The following TTC1 variants were observed in gnomAD, a reference collection of about 807,000 sequenced individuals.
TTC1 encodes the protein tetratricopeptide repeat protein 1.
A neutral mutation model predicts 37.6 loss-of-function variants in TTC1; 31 were observed. The observed-to-expected ratio is 0.82, with a 90% CI of 0.62 to 1.11. The LOEUF is 1.11. Ranked by LOEUF, TTC1 falls within the 50% of genes most tolerant of loss-of-function variation. The pLI is 0.00. For synonymous variants in TTC1, 127 were observed against 122.4 expected (o/e 1.04, Z -0.25); for missense variants, 351 against 339.0 (o/e 1.04, Z -0.28).
intron 2 of TTC1, among the ~76,000 whole-genome samples, chr5:160,012,204 T>C (rs1233275230): frequency 6.6e-6 from 1 of 152,160 alleles, no homozygotes; most frequent in East Asian, 1.9e-4. Context: ...TTAATATATT[T>C]TGCCCTGAAA....
At chr5:160,064,650 T>TA (rs1753545267) in intron 7 of TTC1, among the ~76,000 whole-genome samples, 1 of 152,042 alleles carries the variant, frequency 6.6e-6, no homozygotes, top group African/African-American at 2.4e-5. Flanking sequence ...ACTGGCCAGT[T>TA]AGGACAGGAG....
intron 5 of TTC1, among the ~76,000 whole-genome samples, chr5:160,045,316 T>A (rs1757186476): frequency 6.6e-6 from 1 of 152,130 alleles, no homozygotes; most frequent in South Asian, 2.1e-4. Flanking sequence ...TTTTCCGCAT[T>A]TGTTTTTGGA....
intron 2 of TTC1, among the ~76,000 whole-genome samples, chr5:160,019,705 C>G (rs1302050336): frequency 6.6e-6 from 1 of 151,564 alleles, no homozygotes; most frequent in Non-Finnish European, 1.5e-5. Flanking sequence ...CTCTCTCTGC[C>G]TCCCGAGTAG....
chr5:160,064,606 G>A (rs577313903), intron 7 of TTC1, among the ~76,000 whole-genome samples: 1 of 152,308 alleles, frequency 6.6e-6, no homozygotes, highest in South Asian at 2.1e-4. Context: ...GGTTTTCCCA[G>A]AACTCACCCC....
intron 2 of TTC1, among the ~76,000 whole-genome samples, chr5:160,023,192 G>T (rs1349434684): frequency 1.4e-4 from 21 of 150,742 alleles, no homozygotes; most frequent in Non-Finnish European, 2.4e-4. Context: ...GTAGGCGGAG[G>T]TTGCAATGAA....
intron 2 of TTC1, among the ~76,000 whole-genome samples, chr5:160,017,153 G>A (rs1756620565): frequency 6.6e-6 from 1 of 152,158 alleles, no homozygotes; most frequent in Non-Finnish European, 1.5e-5. Flanking sequence ...GCTTGGCTAA[G>A]GTGAAGGACA....
chr5:160,052,121 C>T (rs572897091), intron 7 of TTC1, among the ~76,000 whole-genome samples: 7 of 152,268 alleles, frequency 4.6e-5, no homozygotes, highest in Non-Finnish European at 7.4e-5. Context: ...ACTGTAAAGA[C>T]GGCTGCTTCC....
intron 7 of TTC1, among the ~76,000 whole-genome samples, chr5:160,061,281 G>A (rs1175267073): frequency 6.6e-6 from 1 of 152,218 alleles, no homozygotes; most frequent in African/African-American, 2.4e-5. Flanking sequence ...GACAAAGATA[G>A]ACCAAATCTC....
intron 2 of TTC1, 33 bp downstream of exon 2, chr5:160,010,891 A>G: frequency 6.4e-7 from 1 of 1,573,726 alleles, no homozygotes; most frequent in Non-Finnish European, 8.7e-7. Flanking sequence ...AAGATCTGCC[A>G]CTTACACTGC....
chr5:160,032,004 A>G (rs1756919040), intron 2 of TTC1, among the ~76,000 whole-genome samples: 1 of 152,228 alleles, frequency 6.6e-6, no homozygotes, highest in Admixed American at 6.5e-5. Context: ...AAATAAAAAT[A>G]AAGACATGGT....
chr5:160,045,775 C>A (rs1757226763), intron 5 of TTC1, among the ~76,000 whole-genome samples: 1 of 152,034 alleles, frequency 6.6e-6, no homozygotes, highest in South Asian at 2.1e-4. Flanking sequence ...CAGAGACTCG[C>A]TCTGTTGCCT....
At chr5:160,055,566 G>A (rs574828908) in intron 7 of TTC1, among the ~76,000 whole-genome samples, 3 of 152,360 alleles carry the variant, frequency 2.0e-5, no homozygotes, top group African/African-American at 7.2e-5. Flanking sequence ...CCAAAACCAT[G>A]CCAAAAGGCA....
At chr5:160,046,850 A>G (rs745792507) in intron 5 of TTC1, among the ~76,000 whole-genome samples, 2 of 152,134 alleles carry the variant, frequency 1.3e-5, no homozygotes, top group Non-Finnish European at 2.9e-5. Context: ...TGTCTCTACT[A>G]AAAGTACAAA....
chr5:160,039,981 C>T (rs1757059147), intron 4 of TTC1, among the ~76,000 whole-genome samples: 1 of 152,168 alleles, frequency 6.6e-6, no homozygotes, highest in South Asian at 2.1e-4. Context: ...GGTATACATT[C>T]TGAGAAATGT....
Position 160,065,161 on chromosome 5 carries a change from ATC to A in TTC1, c.*98_*99del. ...CTGCCAATGTTTAACTTTTAAAAGCATCTTATCTAAAAGAAAGGCTATCCAGT... is the reference window on the plus strand; with the variant it reads ...CTGCCAATGTTTAACTTTTAAAAGCATTATCTAAAAGAAAGGCTATCCAGT... On this transcript the variant is annotated 3_prime_UTR_variant, in exon 8 of 8. Coordinates refer to ENST00000231238, the MANE Select transcript of TTC1 (RefSeq NM_003314.3). The A allele has an allele frequency of 6.6e-7, 1 of 1,515,942 alleles. No individual in the cohort carries two copies. Among genetic ancestry groups the A allele is most frequent in the Non-Finnish European group, 8.9e-7 (1 of 1,125,324 alleles). 93.9% of individuals were successfully genotyped at this position (1,515,942 alleles called of 1,614,324 possible). A position where few individuals can be genotyped will look rare whatever the true frequency, so the allele number is the denominator to read the frequency against.
chr5:160,028,548 A>G (rs1027772792), intron 2 of TTC1, among the ~76,000 whole-genome samples: 2 of 152,146 alleles, frequency 1.3e-5, no homozygotes, highest in Non-Finnish European at 2.9e-5. Flanking sequence ...CAGTGGCACA[A>G]TCATGGCCTC....
chr5:160,024,094 A>G (rs1581096849), intron 2 of TTC1: 2 of 834,734 alleles, frequency 2.4e-6, no homozygotes, highest in Non-Finnish European at 4.1e-6. Flanking sequence ...GGCAATGGGT[A>G]GAGCCTTCTC....
At chr5:160,009,857 T>C (rs1168663414) in intron 1 of TTC1, among the ~76,000 whole-genome samples, 1 of 152,142 alleles carries the variant, frequency 6.6e-6, no homozygotes, top group African/African-American at 2.4e-5. Context: ...GTGATCACAA[T>C]TTTGGCACGG....
chr5:160,059,666 G>A (rs1003647545), intron 7 of TTC1, among the ~76,000 whole-genome samples: 2 of 152,208 alleles, frequency 1.3e-5, no homozygotes, highest in African/African-American at 4.8e-5. Context: ...ACAAGGGAAT[G>A]GCTGGTCAGA....
Sources: gnomAD v4.1 joint callset for allele counts (sites outside exome capture counted in the v4.1 genomes callset) on GRCh38, gnomAD v4.1.1 for gene constraint, MANE v1.5 for transcripts, NCBI Gene and HGNC (gene_info 2026-07-23, HGNC 2026-07-21) for gene names.